TRDMT1: variants seen among roughly 807,000 people sequenced by gnomAD.
TRDMT1 encodes the protein tRNA (cytosine(38)-C(5))-methyltransferase.
A neutral mutation model predicts 51.2 loss-of-function variants in TRDMT1; 49 were observed. The ratio of observed to expected loss-of-function variants is 0.96; its 90% CI spans 0.76 to 1.21. The LOEUF (loss-of-function observed/expected upper bound fraction) is 1.21. Ranked by LOEUF, TRDMT1 falls within the 50% of genes most tolerant of loss-of-function variation. TRDMT1 has a pLI of 0.00. For missense variants in TRDMT1, 534 were observed against 462.3 expected, an observed-to-expected ratio of 1.16 and a Z score of -1.42; for synonymous variants, 187 against 164.6, an observed-to-expected ratio of 1.14 and a Z score of -1.04.
intron 2 of TRDMT1, chr10:17,169,427 A>C: frequency 7.8e-7 from 1 of 1,288,794 alleles, no homozygotes; most frequent in Non-Finnish European, 1.0e-6. Flanking sequence ...GATATCCACA[A>C]TTATTTTGTT....
intron 1 of TRDMT1, among the ~76,000 whole-genome samples, chr10:17,193,124 G>A (rs1402455240): frequency 6.6e-6 from 1 of 152,168 alleles, no homozygotes. Context: ...AGCACTTTGG[G>A]AGGTTGGGGT....
rs187449342 is a variant in TRDMT1, at chr10:17,194,473, C to T, written c.64+7098G>A. On this transcript the variant is annotated intron_variant, in intron 1 of 10. Coordinates refer to ENST00000377799, the MANE Select transcript of TRDMT1 (RefSeq NM_004412.7). ...AACAACTGAACAAGCAAAAAACAAACAACCCCACTTAAAAACTAGGCAAAG... is the reference window on the plus strand; with the variant it reads ...AACAACTGAACAAGCAAAAAACAAATAACCCCACTTAAAAACTAGGCAAAG... Among the ~76,000 whole-genome samples, 187 of 152,152 alleles carry T rather than the reference C, an allele frequency of 1.2e-3. 1 individual carries two copies. Among genetic ancestry groups the T allele is most frequent in the African/African-American group, 4.3e-3 (178 of 41,516 alleles).
rs1008135359 is a variant in TRDMT1 at position 17,140,361 on chromosome 10, T to A, written c.*8679A>T. ...GAGGCACCATGCCCAGCACTTCTTTTCTTTTTGGCTGACAGAATTATTCAA... is the reference window on the plus strand; with the variant it reads ...GAGGCACCATGCCCAGCACTTCTTTACTTTTTGGCTGACAGAATTATTCAA... On this transcript the variant is annotated 3_prime_UTR_variant, in exon 11 of 11. Transcript: ENST00000377799. 6.6e-5 allele frequency among the ~76,000 whole-genome samples: 10 copies of A among 151,942 alleles called. 1 individual carries two copies. In the South Asian group the frequency reaches 2.1e-3, roughly 32 times the overall value.
chr10:17,171,525 C>CT (rs981814007), intron 2 of TRDMT1: 2 of 152,210 alleles, frequency 1.3e-5, no homozygotes, highest in Non-Finnish European at 2.9e-5. Flanking sequence ...AGGCTTAACT[C>CT]TTTTGTTTTT....
intron 1 of TRDMT1, among the ~76,000 whole-genome samples, chr10:17,187,409 T>C (rs1011032806): frequency 2.0e-5 from 3 of 152,208 alleles, no homozygotes; most frequent in Non-Finnish European, 2.9e-5. Flanking sequence ...GAATATAAAC[T>C]AGTATGTCCT....
At chr10:17,201,390 G>A (rs1846140062) in intron 1 of TRDMT1, 181 bp downstream of exon 1, 4 of 564,176 alleles carry the variant, frequency 7.1e-6, no homozygotes, top group Non-Finnish European at 9.0e-6. Context: ...GGGAGTCAGC[G>A]TCTGGAGGGG....
At position 17,140,598 on chromosome 10, in the gene TRDMT1, G is replaced by A. The variant is rs549938201; in HGVS notation, c.*8442C>T. ...AGGGGATTATATTACATAGCATCAA[G>A]ATGCAAATGAGGTAGCAACTTACAA... On this transcript the variant is annotated 3_prime_UTR_variant, in exon 11 of 11. Transcript: ENST00000377799. Among the ~76,000 whole-genome samples the A allele has an allele frequency of 1.3e-5, 2 of 152,128 alleles. No homozygotes were observed. The highest frequency in any genetic ancestry group is 4.8e-5 in the African/African-American group (2 of 41,418).
intron 1 of TRDMT1, among the ~76,000 whole-genome samples, chr10:17,183,997 GA>G (rs201755047): frequency 0.011 from 1,640 of 152,120 alleles, 29 homozygotes; most frequent in African/African-American, 0.038. Flanking sequence ...ATAATCAAAA[GA>G]AAAACTAAAA....
chr10:17,172,420 G>A (rs1364957397), intron 2 of TRDMT1, among the ~76,000 whole-genome samples: 1 of 152,136 alleles, frequency 6.6e-6, no homozygotes, highest in African/African-American at 2.4e-5. Context: ...CACTTTGAGA[G>A]GCTGATATGG....
intron 1 of TRDMT1, among the ~76,000 whole-genome samples, chr10:17,184,302 A>C (rs1373422726): frequency 6.6e-6 from 1 of 152,156 alleles, no homozygotes; most frequent in Non-Finnish European, 1.5e-5. Context: ...ATAACTTATG[A>C]GGTGATCATT....
chr10:17,160,722 C>T (rs1243981886), intron 5 of TRDMT1, among the ~76,000 whole-genome samples: 3 of 152,254 alleles, frequency 2.0e-5, no homozygotes, highest in Middle Eastern at 3.4e-3. Flanking sequence ...CCACCCGCCT[C>T]GGCCTCCCAA....
Position 17,146,080 on chromosome 10 carries a change from C to T in TRDMT1, c.*2960G>A. On this transcript the variant is annotated 3_prime_UTR_variant, in exon 11 of 11. Transcript: ENST00000377799. ...TCCAATTTTACATCCCACATGGTAG[C>T]AATACAGCCTTTCAGGGCAACTTAA... The T allele has an allele frequency of 1.0e-6, 1 of 985,404 alleles. No homozygotes were observed. Among genetic ancestry groups the T allele is most frequent in the Non-Finnish European group, 1.2e-6 (1 of 829,942 alleles). 61.0% of individuals were successfully genotyped at this position (985,404 alleles called of 1,614,324 possible).
At chr10:17,194,657 G>A (rs1264352002) in intron 1 of TRDMT1, among the ~76,000 whole-genome samples, 1 of 151,930 alleles carries the variant, frequency 6.6e-6, no homozygotes, top group Admixed American at 6.6e-5. Flanking sequence ...AAAAAGCTAG[G>A]CGTGATGGCT....
chr10:17,174,282 G>C (rs1238401897), intron 2 of TRDMT1, among the ~76,000 whole-genome samples: 1 of 152,120 alleles, frequency 6.6e-6, no homozygotes, highest in East Asian at 1.9e-4. Context: ...TATCACCACA[G>C]AACCAAGCAT....
intron 2 of TRDMT1, chr10:17,169,326 T>G: frequency 1.7e-6 from 2 of 1,189,386 alleles, no homozygotes; most frequent in Non-Finnish European, 2.1e-6. Flanking sequence ...ATAATGTTCT[T>G]TATTTAGCAA....
chr10:17,169,427 A>T (rs1292890056), intron 2 of TRDMT1: 1 of 1,288,794 alleles, frequency 7.8e-7, no homozygotes, highest in East Asian at 5.5e-5. Context: ...GATATCCACA[A>T]TTATTTTGTT....
chr10:17,194,370 AACTC>A (rs1845095727), intron 1 of TRDMT1, among the ~76,000 whole-genome samples: 2 of 152,322 alleles, frequency 1.3e-5, no homozygotes, highest in African/African-American at 4.8e-5. Context: ...GTAAACAGAC[AACTC>A]ACAGAATGGG....
intron 3 of TRDMT1, among the ~76,000 whole-genome samples, chr10:17,168,308 T>G (rs1841486992): frequency 1.3e-5 from 2 of 152,022 alleles, no homozygotes; most frequent in African/African-American, 4.8e-5. Flanking sequence ...GTCCCAATAA[T>G]TATTATTATT....
intron 2 of TRDMT1, among the ~76,000 whole-genome samples, chr10:17,172,512 GA>G (rs1324561166): frequency 6.6e-6 from 1 of 151,842 alleles, no homozygotes; most frequent in African/African-American, 2.4e-5. Flanking sequence ...AAAAAAAAAT[GA>G]GTAAAAATTA....
Sources: gnomAD v4.1 joint callset for allele counts (sites outside exome capture counted in the v4.1 genomes callset) on GRCh38, gnomAD v4.1.1 for gene constraint, MANE v1.5 for transcripts, NCBI Gene and HGNC (gene_info 2026-07-23, HGNC 2026-07-21) for gene names.